Variants in ABCB1 observed in about 807,000 individuals in gnomAD.
ABCB1 encodes the protein ATP binding cassette subfamily B member 1.
In ABCB1, 69 loss-of-function variants were observed where a neutral mutation model predicts 142.0. The observed-to-expected ratio is 0.49, with a 90% CI of 0.40 to 0.59. The LOEUF is 0.59. ABCB1 is among the 20% of genes least tolerant of loss of function. The pLI, the probability that ABCB1 is intolerant of heterozygous loss-of-function variation, is 0.00. For synonymous variants in ABCB1, 532 were observed against 539.2 expected, an observed-to-expected ratio of 0.99 and a Z score of 0.18; for missense variants, 1,326 against 1,554.7, an observed-to-expected ratio of 0.85 and a Z score of 2.47.
chr7:87,585,535 A>C lies in ABCB1; in HGVS notation c.263T>G (p.Leu88Arg), dbSNP rs1257387920. ...IFANAGNLEDLMSNITNRSDI... is the reference protein window; with the variant it reads ...IFANAGNLEDRMSNITNRSDI... ...ACTTCTATTAGTGATGTTTGACATC[A>C]GATCTTCTAAATTTCCTGCATTTGC... Residue 88 changes from leucine to arginine, a missense_variant, in exon 4 of 28, where the codon CTG (leucine) becomes CGG (arginine). Leu to Arg is a moderately radical substitution (Grantham distance 102, BLOSUM62 -2). Coordinates refer to ENST00000622132, the MANE Select transcript of ABCB1 (RefSeq NM_001348946.2). 1.9e-6 allele frequency: 3 copies of C among 1,613,742 alleles called. No individual in the cohort carries two copies. The highest frequency in any genetic ancestry group is 2.7e-5 in the African/African-American group (2 of 74,922).
intron 20 of ABCB1, among the ~76,000 whole-genome samples, chr7:87,533,082 A>C (rs1255911644): frequency 6.6e-6 from 1 of 152,146 alleles, no homozygotes; most frequent in African/African-American, 2.4e-5. Flanking sequence ...TGATGCAATC[A>C]TTGAGCTTAT....
intron 8 of ABCB1, among the ~76,000 whole-genome samples, chr7:87,558,713 C>G (rs1046622898): frequency 4.0e-5 from 6 of 151,880 alleles, no homozygotes; most frequent in African/African-American, 1.5e-4. Flanking sequence ...TAATGTTTCA[C>G]CACTAAATGT....
chr7:87,538,916 C>T (rs139596740), intron 19 of ABCB1, among the ~76,000 whole-genome samples: 16 of 152,108 alleles, frequency 1.1e-4, no homozygotes, highest in South Asian at 2.1e-4. Context: ...AAGAAACACT[C>T]GTGCCCTGGG....
rs1829997364 is a variant in ABCB1, at chr7:87,710,709, CTCAGAAA to C, written c.-331+2445_-331+2451del. ...TATATTTGAAAGAATCACCTGAAGA[CTCAGAAA>C]TCAGAATAGGATGAAGAATCAATTT... On this transcript the variant is annotated intron_variant, in intron 1 of 28. Coordinates refer to the ABCB1 transcript ENST00000265724. 3.4e-5 allele frequency: 33 copies of C among 979,890 alleles called. No homozygotes were observed. In the South Asian group the frequency reaches 4.6e-4, roughly 14 times the overall value. 60.7% of individuals were successfully genotyped at this position (979,890 alleles called of 1,614,324 possible). A position where few individuals can be genotyped will look rare whatever the true frequency, so the allele number is the denominator to read the frequency against.
At chr7:87,592,735 G>A (rs575672131) in intron 3 of ABCB1, among the ~76,000 whole-genome samples, 4 of 152,042 alleles carry the variant, frequency 2.6e-5, no homozygotes, top group Non-Finnish European at 2.9e-5. Flanking sequence ...TAAATTGCAG[G>A]TACTTATGTC....
chr7:87,542,747 C>T (rs1816597326), intron 17 of ABCB1, among the ~76,000 whole-genome samples: 1 of 151,896 alleles, frequency 6.6e-6, no homozygotes, highest in Non-Finnish European at 1.5e-5. Context: ...AATCAGCAAA[C>T]TATGGGCCAC....
chr7:87,519,863 G>A (rs1815416195), intron 22 of ABCB1, among the ~76,000 whole-genome samples: 1 of 152,198 alleles, frequency 6.6e-6, no homozygotes, highest in East Asian at 1.9e-4. Context: ...ACAAGGTGCA[G>A]GGGCCATGAT....
At chr7:87,670,762 AAGCCTTGGGGTGTGATCC>A (rs1825746447) in intron 1 of ABCB1, among the ~76,000 whole-genome samples, 1 of 152,088 alleles carries the variant, frequency 6.6e-6, no homozygotes, top group Non-Finnish European at 1.5e-5. Flanking sequence ...TTTGATGTTA[AAGCCTTGGGGTGTGATCC>A]AGCAGGTGGC....
chr7:87,580,130 T>G (rs867254930), intron 4 of ABCB1, among the ~76,000 whole-genome samples: 5 of 152,174 alleles, frequency 3.3e-5, no homozygotes, highest in Admixed American at 1.3e-4. Context: ...GAGTACTTAT[T>G]ATTACCAGTG....
chr7:87,548,955 G>A (rs548247759), intron 14 of ABCB1, among the ~76,000 whole-genome samples: 1 of 152,106 alleles, frequency 6.6e-6, no homozygotes, highest in African/African-American at 2.4e-5. Context: ...GGACCTTCAG[G>A]TTGTATTTTT....
At chr7:87,551,022 A>AT (rs966037314) in intron 9 of ABCB1, among the ~76,000 whole-genome samples, 184 bp from the exon 10 acceptor site, 2 of 151,580 alleles carry the variant, frequency 1.3e-5, no homozygotes, top group Admixed American at 6.6e-5. Flanking sequence ...TCCTTTTTTC[A>AT]TTTTTTTTCC....
chr7:87,632,991 G>A (rs1821382646), intron 1 of ABCB1, among the ~76,000 whole-genome samples: 1 of 152,158 alleles, frequency 6.6e-6, no homozygotes. Flanking sequence ...GCACGGTGGA[G>A]ACAAGTGATG....
At chr7:87,695,275 A>G (rs1397738315) in intron 1 of ABCB1, among the ~76,000 whole-genome samples, 1 of 152,150 alleles carries the variant, frequency 6.6e-6, no homozygotes, top group Non-Finnish European at 1.5e-5. Flanking sequence ...TATAAACCTC[A>G]ACTAATAATA....
chr7:87,651,862 T>C (rs1823605571), intron 1 of ABCB1, among the ~76,000 whole-genome samples: 1 of 152,144 alleles, frequency 6.6e-6, no homozygotes, highest in Non-Finnish European at 1.5e-5. Context: ...TATGAATTCA[T>C]TTATCCCTCT....
chr7:87,519,614 A>C (rs1321915236), intron 22 of ABCB1, 148 bp from the exon 23 acceptor site: 5 of 874,588 alleles, frequency 5.7e-6, no homozygotes, highest in Non-Finnish European at 9.1e-6. Context: ...CTCACTTTAC[A>C]CTTAACAGTT....
Position 87,656,682 on chromosome 7 carries a change from TA to T in ABCB1, c.-330-55605del, listed in dbSNP as rs533094728. On this transcript the variant is annotated intron_variant, in intron 1 of 28. Coordinates refer to the ABCB1 transcript ENST00000265724. ...AAGTTGGTAGACTTAATTGATAGTT[TA>T]AAAAAAACCTAATTATTTAATTTCA... Among the ~76,000 whole-genome samples the T allele has an allele frequency of 3.9e-3, 595 of 152,040 alleles. 3 individuals carry two copies. Among genetic ancestry groups the T allele is most frequent in the African/African-American group, 0.014 (569 of 41,470 alleles).
chr7:87,660,296 A>G (rs1246543197), intron 1 of ABCB1, among the ~76,000 whole-genome samples: 3 of 152,018 alleles, frequency 2.0e-5, no homozygotes, highest in Non-Finnish European at 4.4e-5. Flanking sequence ...TTTCAACTCT[A>G]TTCAGGTTGT....
chr7:87,607,521 T>C (rs1162880769), intron 1 of ABCB1, among the ~76,000 whole-genome samples: 2 of 152,108 alleles, frequency 1.3e-5, no homozygotes, highest in Non-Finnish European at 2.9e-5. Context: ...TGGGGAATTA[T>C]TTTTTTCTTT....
chr7:87,513,746 A>G (rs1177101184), intron 25 of ABCB1, among the ~76,000 whole-genome samples: 3 of 152,202 alleles, frequency 2.0e-5, no homozygotes, highest in African/African-American at 7.2e-5. Flanking sequence ...CTCTAGGCCT[A>G]TCTCCTTTAA....
Sources: allele counts gnomAD v4.1 joint callset (sites outside exome capture counted in the v4.1 genomes callset), GRCh38; gene constraint gnomAD v4.1.1; transcripts MANE v1.5; gene names NCBI Gene and HGNC (gene_info 2026-07-23, HGNC 2026-07-21).